Variants in CCDC171 observed in about 807,000 individuals in gnomAD.
CCDC171 encodes coiled-coil domain-containing protein 171.
Under a neutral mutation model 168.2 loss-of-function variants are expected in CCDC171, and 177 were observed. The observed-to-expected ratio is 1.05, with a 90% confidence interval of 0.93 to 1.19. The LOEUF is 1.19. Ranked by LOEUF, CCDC171 falls within the 50% of genes most tolerant of loss-of-function variation. The pLI is 0.00. For synonymous variants in CCDC171, 687 were observed against 540.8 expected, an observed-to-expected ratio of 1.27 and a Z score of -3.75; for missense variants, 1,991 against 1,539.0, an observed-to-expected ratio of 1.29 and a Z score of -4.91.
chr9:15,597,046 C>G (rs1480029494), intron 6 of CCDC171, among the ~76,000 whole-genome samples: 2 of 152,070 alleles, frequency 1.3e-5, no homozygotes, highest in Non-Finnish European at 2.9e-5. Flanking sequence ...AGATTTTGGG[C>G]TGAGACGATG....
intron 24 of CCDC171, among the ~76,000 whole-genome samples, chr9:15,903,990 G>T (rs1013701798): frequency 6.6e-6 from 1 of 152,174 alleles, no homozygotes; most frequent in African/African-American, 2.4e-5. Flanking sequence ...AGAATGAAAA[G>T]AAACAAACAA....
intron 18 of CCDC171, among the ~76,000 whole-genome samples, chr9:15,755,146 T>C (rs1216534931): frequency 6.6e-6 from 1 of 152,142 alleles, no homozygotes; most frequent in Non-Finnish European, 1.5e-5. Flanking sequence ...TCCCAGATAA[T>C]AGGAAGTCTA....
intron 16 of CCDC171, among the ~76,000 whole-genome samples, chr9:15,733,475 T>C (rs2054280220): frequency 6.6e-6 from 1 of 150,740 alleles, no homozygotes; most frequent in African/African-American, 2.4e-5. Flanking sequence ...TCGATTAAGG[T>C]CAGTTTTTTT....
chr9:15,980,062 G>T (rs963560994), intron 3 of CCDC171, among the ~76,000 whole-genome samples: 2 of 151,872 alleles, frequency 1.3e-5, no homozygotes, highest in African/African-American at 2.4e-5. Flanking sequence ...ACTTAATAAG[G>T]ACTTGAGAAT....
chr9:15,694,409 C>G (rs931119734), intron 10 of CCDC171, among the ~76,000 whole-genome samples: 12 of 152,130 alleles, frequency 7.9e-5, no homozygotes, highest in African/African-American at 2.7e-4. Flanking sequence ...AGGCATTGTG[C>G]TGGTGTAGAG....
intron 2 of CCDC171, among the ~76,000 whole-genome samples, chr9:15,567,437 A>C (rs575047562): frequency 5.3e-5 from 8 of 152,196 alleles, no homozygotes; most frequent in Non-Finnish European, 8.8e-5. Flanking sequence ...TTGTCTTTCC[A>C]TATGAATTTT....
Position 15,745,536 on chromosome 9 carries a change from GT to G in CCDC171, c.2578del (p.Cys860ValfsTer17). ...ATAGAACATCAAAAGGAGCAGTTGC[GT>G]TGTTTACAAGCGCTCAGTTGGCTCA... ...KFPKHQKEQLRCLQALSWLTS... is the reference protein window; with the variant it reads ...KFPKHQKEQLXCLQALSWLTS... On this transcript the variant is annotated frameshift_variant, in exon 18 of 26. Transcript: ENST00000380701. LOFTEE classifies it high-confidence loss of function. The G allele has an allele frequency of 6.3e-7, 1 of 1,576,446 alleles. No individual in the cohort carries two copies. Among genetic ancestry groups the G allele is most frequent in the Non-Finnish European group, 8.6e-7 (1 of 1,165,808 alleles).
At chr9:15,962,926 C>T (rs184715812) in intron 25 of CCDC171, among the ~76,000 whole-genome samples, 3 of 151,344 alleles carry the variant, frequency 2.0e-5, no homozygotes, top group African/African-American at 7.3e-5. Flanking sequence ...TACACATAAA[C>T]ACATGTATAC....
chr9:15,789,763 T>C (rs919047620), intron 21 of CCDC171, among the ~76,000 whole-genome samples: 26 of 103,778 alleles, frequency 2.5e-4, no homozygotes, highest in Admixed American at 2.2e-3. Context: ...CCCCCCACCC[T>C]ACGACAGTCC....
intron 10 of CCDC171, among the ~76,000 whole-genome samples, chr9:15,691,770 G>A (rs923530982): frequency 4.0e-5 from 6 of 151,810 alleles, no homozygotes; most frequent in African/African-American, 7.3e-5. Flanking sequence ...TTGACTTTTC[G>A]GACTCAAGCA....
At chr9:16,098,047 C>T in the CCDC171 span, among the ~76,000 whole-genome samples, 4 of 152,110 alleles carry the variant, frequency 2.6e-5, no homozygotes, top group Non-Finnish European at 4.4e-5. Flanking sequence ...GAAAGAGACA[C>T]GAAAACAATC....
At chr9:15,947,932 A>G (rs920332862) in intron 25 of CCDC171, among the ~76,000 whole-genome samples, 25 of 151,682 alleles carry the variant, frequency 1.6e-4, no homozygotes, top group Non-Finnish European at 2.9e-4. Context: ...CCACTAACTC[A>G]TCATCTAGCA....
At chr9:16,064,877 C>G (rs1394180598), downstream of CCDC171, among the ~76,000 whole-genome samples, 2 of 152,192 alleles carry the variant, frequency 1.3e-5, no homozygotes, top group South Asian at 4.1e-4. Flanking sequence ...TTCCGGTATT[C>G]TAACTTCTAC....
downstream of CCDC171, among the ~76,000 whole-genome samples, chr9:16,064,871 G>A (rs575762415): frequency 3.9e-5 from 6 of 152,272 alleles, no homozygotes; most frequent in East Asian, 1.9e-4. Flanking sequence ...ATGGTTTTCC[G>A]GTATTCTAAC....
At position 15,758,965 on chromosome 9, in the gene CCDC171, A is replaced by G. The variant is rs961021269; in HGVS notation, c.2671+13334A>G. On this transcript the variant is annotated intron_variant, in intron 18 of 25. Transcript: ENST00000380701. ...CAGTCTCGGGTATGTCTTTATCAGC[A>G]GTGTGAAAACAGACTAATACAGTGG... Among the ~76,000 whole-genome samples, 3 of 152,182 alleles carry G rather than the reference A, an allele frequency of 2.0e-5. No individual in the cohort carries two copies. The East Asian group carries it at 5.8e-4, about 29-fold the overall frequency.
chr9:15,592,319 A>G (rs1045566832), intron 5 of CCDC171, among the ~76,000 whole-genome samples: 2 of 152,028 alleles, frequency 1.3e-5, no homozygotes, highest in Non-Finnish European at 2.9e-5. Flanking sequence ...CAGCCTGAGC[A>G]ATATAGTGAG....
At chr9:15,692,132 T>C (rs533880178) in intron 10 of CCDC171, among the ~76,000 whole-genome samples, 3 of 152,212 alleles carry the variant, frequency 2.0e-5, no homozygotes, top group Non-Finnish European at 4.4e-5. Context: ...TCTCAACGCT[T>C]TGGGAGACCA....
At chr9:15,866,165 C>A (rs563526227) in intron 23 of CCDC171, among the ~76,000 whole-genome samples, 3 of 151,904 alleles carry the variant, frequency 2.0e-5, no homozygotes, top group Admixed American at 1.3e-4. Flanking sequence ...ATGCTAAGAG[C>A]CTTGGATCAT....
At chr9:16,052,277 T>A (rs920886911) in intron 1 of CCDC171, among the ~76,000 whole-genome samples, 3 of 152,172 alleles carry the variant, frequency 2.0e-5, no homozygotes, top group Non-Finnish European at 4.4e-5. Context: ...TGATCCCTGC[T>A]GCTGTTTCTC....
Sources: allele counts gnomAD v4.1 joint callset (sites outside exome capture counted in the v4.1 genomes callset), GRCh38; gene constraint gnomAD v4.1.1; transcripts MANE v1.5; gene names NCBI Gene and HGNC (gene_info 2026-07-23, HGNC 2026-07-21).